The following TEX15 variants were observed in gnomAD, a reference collection of about 807,000 sequenced individuals.
TEX15 encodes the protein testis expressed 15, meiosis and synapsis associated.
Under a neutral mutation model 237.3 loss-of-function variants are expected in TEX15, and 171 were observed. The ratio of observed to expected loss-of-function variants is 0.72; its 90% CI spans 0.64 to 0.82. The LOEUF is 0.82. Among genes scored for constraint, TEX15 ranks in the 40% least tolerant of loss-of-function variants. The pLI, the probability that TEX15 is intolerant of heterozygous loss-of-function variation, is 0.00. For missense variants in TEX15, 3,750 were observed against 3,646.5 expected (o/e 1.03, Z -0.73); for synonymous variants, 1,338 against 1,269.8 (o/e 1.05, Z -1.14).
rs759312788 is a variant in TEX15, at chr8:30,848,646, T to C, written c.1521A>G (p.Gln507=). ...CAGAGCCCATGTTGTGAGCCCAAGA[T>C]TGTGAATCATTAACAGAAGTTTTAA... is the stretch of plus-strand genomic sequence containing the variant. ...PCFKTSVNDS[Q]SWAHNMGSED... is the part of the protein sequence containing the mutation. Residue 507 remains glutamine (Q), a synonymous_variant, in exon 8 of 11, where the codon CAA becomes CAG. Transcript: ENST00000643185. 6 of 1,614,052 alleles carry C rather than the reference T, an allele frequency of 3.7e-6. No homozygotes were observed. In the African/African-American group the frequency reaches 6.7e-5, roughly 18 times the overall value.
chr8:30,867,308 G>A lies in TEX15; in HGVS notation c.497C>T (p.Ser166Phe), dbSNP rs11988578. ...FRHVDIALNY[S>F]HSQSITVESI... Reference sequence around the variant, plus strand: ...TTCTACAGTAATGCTTTGACTATGAGAATAATTCAAGGCAATATCAACATG... The same window carrying A: ...TTCTACAGTAATGCTTTGACTATGAAAATAATTCAAGGCAATATCAACATG... The change falls in exon 5 of 11, where the codon TCT becomes TTT. Residue 166 changes from serine to phenylalanine, a missense_variant. Physicochemically the swap from Ser to Phe is radical, Grantham distance 155. Transcript: ENST00000643185. 6.6e-7 allele frequency: 1 copy of A among 1,519,254 alleles called. No homozygotes were observed. The highest frequency in any genetic ancestry group is 8.8e-7 in the Non-Finnish European group (1 of 1,131,956). 94.1% of individuals were successfully genotyped at this position (1,519,254 alleles called of 1,614,324 possible). A position where few individuals can be genotyped will look rare whatever the true frequency, so the allele number is the denominator to read the frequency against.
chr8:30,836,604 GAC>G (rs1364152741), intron 10 of TEX15, among the ~76,000 whole-genome samples, 197 bp downstream of exon 10: 3 of 152,112 alleles, frequency 2.0e-5, no homozygotes, highest in Non-Finnish European at 2.9e-5. Flanking sequence ...TAGTGATACT[GAC>G]AGTTTTTTTT....
chr8:30,889,694 C>T (rs1339334773), intron 2 of TEX15, among the ~76,000 whole-genome samples: 1 of 151,812 alleles, frequency 6.6e-6, no homozygotes, highest in Non-Finnish European at 1.5e-5. Context: ...CAGTTATTAC[C>T]TTTTAAGTAG....
chr8:30,901,080 A>C (rs1045234011), intron 1 of TEX15, among the ~76,000 whole-genome samples: 1 of 152,194 alleles, frequency 6.6e-6, no homozygotes, highest in East Asian at 1.9e-4. Flanking sequence ...CAAGGCTGCA[A>C]TGAGCTGTGT....
chr8:30,879,392 T>A (rs960075628), intron 3 of TEX15, among the ~76,000 whole-genome samples: 9 of 152,254 alleles, frequency 5.9e-5, no homozygotes, highest in Non-Finnish European at 1.3e-4. Flanking sequence ...TGTTTTCTTC[T>A]AGACGTTTTA....
chr8:30,846,131 G>A lies in TEX15; in HGVS notation c.4036C>T (p.Arg1346Ter), dbSNP rs62000447. 398 of 1,613,368 alleles carry A rather than the reference G, an allele frequency of 2.5e-4. No individual in the cohort carries two copies. The highest frequency in any genetic ancestry group is 2.8e-4 in the Non-Finnish European group (332 of 1,179,584). The change falls in exon 8 of 11, where the codon CGA (arginine) becomes TGA (stop). Residue 1346 changes from arginine to a stop codon, truncating the protein, a stop_gained. Transcript: ENST00000643185. LOFTEE classifies it high-confidence loss of function. The stretch of plus-strand genomic sequence containing the variant: ...TCTGACTGTGAAAATGTTTTAATTC[G>A]TCCTTGGGATAATGAAGAGAAACAC... ...SECFSSLSQG[R>*]IKTFSQSEKH...
intron 2 of TEX15, among the ~76,000 whole-genome samples, chr8:30,893,032 CAAAAA>C (rs60813874): frequency 2.5e-5 from 2 of 81,360 alleles, no homozygotes. Flanking sequence ...GACTCTGCCT[CAAAAA>C]AAAAAAAAAA....
rs75762919 is a variant in TEX15 at position 30,871,825 on chromosome 8, G to T, written c.302+3112C>A. Among the ~76,000 whole-genome samples the T allele has an allele frequency of 9.4e-3, 1,426 of 152,192 alleles. 23 individuals are homozygous for T. The highest frequency in any genetic ancestry group is 0.032 in the African/African-American group (1,325 of 41,540). ...AATGCCTTCATTTCCAATAGATCTG[G>T]ATATAGATCTAAATAACCAACGTTC... is the stretch of plus-strand genomic sequence containing the variant. On this transcript the variant is annotated intron_variant, in intron 4 of 10. Coordinates refer to ENST00000643185, the MANE Select transcript of TEX15 (RefSeq NM_001350162.2).
At chr8:30,835,186 C>T (rs1472282792) in intron 10 of TEX15, among the ~76,000 whole-genome samples, 1 of 150,780 alleles carries the variant, frequency 6.6e-6, no homozygotes, top group African/African-American at 2.5e-5. Flanking sequence ...CTCACTGCAA[C>T]CTCTGCCTCC....
Position 30,867,321 on chromosome 8 carries a change from C to A in TEX15, c.484G>T (p.Ala162Ser). ...CTTTGACTATGAGAATAATTCAAGG[C>A]AATATCAACATGTCTAAACATATAA... ...GIYMFRHVDI[A>S]LNYSHSQSIT... The change falls in exon 5 of 11, where the codon GCC becomes TCC. Residue 162 changes from alanine to serine, a missense_variant. Ala to Ser is a moderately conservative substitution (Grantham distance 99). Transcript: ENST00000643185. The A allele has an allele frequency of 6.6e-7, 1 of 1,524,856 alleles. No homozygotes were observed. The highest frequency in any genetic ancestry group is 8.8e-7 in the Non-Finnish European group (1 of 1,137,014). 94.5% of individuals were successfully genotyped at this position (1,524,856 alleles called of 1,614,324 possible). A position where few individuals can be genotyped will look rare whatever the true frequency, so the allele number is the denominator to read the frequency against.
At position 30,842,616 on chromosome 8, in the gene TEX15, T is replaced by C; in HGVS notation, c.7551A>G (p.Glu2517=). The change falls in exon 8 of 11, where the codon GAA becomes GAG. Residue 2517 remains glutamate (E), a synonymous_variant. Coordinates refer to ENST00000643185, the MANE Select transcript of TEX15 (RefSeq NM_001350162.2). ...AGATAATATCCAGATCTTTCTTAAGTTCGGAAACAGCAGTCTCTATCACTT... is the reference window on the plus strand; with the variant it reads ...AGATAATATCCAGATCTTTCTTAAGCTCGGAAACAGCAGTCTCTATCACTT... ...LWKVIETAVS[E]LKKDLDIICK... is the part of the protein sequence containing the mutation. 1 of 1,611,434 alleles carries C rather than the reference T, an allele frequency of 6.2e-7. No individual in the cohort carries two copies. The highest frequency in any genetic ancestry group is 8.5e-7 in the Non-Finnish European group (1 of 1,179,806).
In TEX15 at chr8:30,905,983, C is replaced by T. The variant is rs370676640; in HGVS notation, c.-86+6896G>A. Among the ~76,000 whole-genome samples the T allele has an allele frequency of 2.0e-5, 3 of 152,128 alleles. No individual in the cohort carries two copies. In the East Asian group the frequency reaches 5.8e-4, roughly 29 times the overall value. On this transcript the variant is annotated intron_variant, in intron 1 of 10. Transcript: ENST00000643185. ...CTGACTGCAACGCTAGACCCATTAC[C>T]TATACTTTTGTGCCTCAGTTTCTTC...
chr8:30,879,399 T>C (rs1326500361), intron 3 of TEX15, among the ~76,000 whole-genome samples: 5 of 152,364 alleles, frequency 3.3e-5, no homozygotes, highest in East Asian at 3.9e-4. Context: ...TTCTAGACGT[T>C]TTATAGCTTC....
chr8:30,837,711 G>C lies in TEX15; in HGVS notation c.8573C>G (p.Thr2858Arg). 1 of 1,614,032 alleles carries C rather than the reference G, an allele frequency of 6.2e-7. No individual in the cohort carries two copies. The highest frequency in any genetic ancestry group is 1.7e-5 in the Admixed American group (1 of 60,014). Residue 2858 changes from threonine to arginine, a missense_variant, in exon 10 of 11, where the codon ACG (threonine) becomes AGG (arginine). Transcript: ENST00000643185. ...VHGTFSPDHG[T>R]LLQKFLKNSP... Reference sequence around the variant, plus strand: ...ATTTTTAAGAAATTTCTGCAAAAGCGTCCCATGGTCTGGTGAAAATGTGCC... The same window carrying C: ...ATTTTTAAGAAATTTCTGCAAAAGCCTCCCATGGTCTGGTGAAAATGTGCC...
rs1449415527 is a variant in TEX15 at position 30,843,358 on chromosome 8, A to G, written c.6809T>C (p.Ile2270Thr). 1.9e-6 allele frequency: 3 copies of G among 1,610,630 alleles called. No individual in the cohort carries two copies. Among genetic ancestry groups the G allele is most frequent in the Non-Finnish European group, 2.5e-6 (3 of 1,178,018 alleles). Residue 2270 changes from isoleucine (I) to threonine (T), a missense_variant, in exon 8 of 11, where the codon ATC (isoleucine) becomes ACC (threonine). Ile to Thr is a moderately conservative substitution (Grantham distance 89). Transcript: ENST00000643185. The part of the protein sequence containing the change: ...VKISLYGLEH[I>T]FFDAAKNLVW... ...AAGATTTTTTGCAGCATCAAAAAAGATATGTTCCAGACCATAAAGAGATAT... is the reference window on the plus strand; with the variant it reads ...AAGATTTTTTGCAGCATCAAAAAAGGTATGTTCCAGACCATAAAGAGATAT...
Position 30,848,910 on chromosome 8 carries a change from ATTG to A in TEX15, c.1254_1256del (p.Asn419del). On this transcript the variant is annotated inframe_deletion, in exon 8 of 11. Coordinates refer to ENST00000643185, the MANE Select transcript of TEX15 (RefSeq NM_001350162.2). ...AAGTAGTGACTGTGCTTGAGCCAGT[ATTG>A]TTGTGAAGAGGAAAAGAAGCATTAA... 6.2e-7 allele frequency: 1 copy of A among 1,614,146 alleles called. No individual in the cohort carries two copies. The highest frequency in any genetic ancestry group is 8.5e-7 in the Non-Finnish European group (1 of 1,180,016).
intron 2 of TEX15, among the ~76,000 whole-genome samples, chr8:30,897,546 C>T (rs193244669): frequency 7.6e-4 from 115 of 152,252 alleles, no homozygotes; most frequent in African/African-American, 2.1e-3. Context: ...GTGAATTTCA[C>T]TTTAGAATCA....
Position 30,838,024 on chromosome 8 carries a change from C to A in TEX15, c.8260G>T (p.Val2754Leu), listed in dbSNP as rs573676386. The change falls in exon 10 of 11, where the codon GTA (valine) becomes TTA (leucine). Residue 2754 changes from valine to leucine, a missense_variant. Physicochemically the swap from Val to Leu is conservative, Grantham distance 32. Transcript: ENST00000643185. ...GSHPKSENKI[V>L]PSSCDSLKRN... ...TTCAGACTGTCACATGAACTTGGTA[C>A]TATTTTGTTTTCGCTTTTGGGATGA... 1 of 1,612,990 alleles carries A rather than the reference C, an allele frequency of 6.2e-7. No homozygotes were observed.
At chr8:30,851,633 A>C (rs1807786377) in intron 7 of TEX15, among the ~76,000 whole-genome samples, 1 of 151,920 alleles carries the variant, frequency 6.6e-6, no homozygotes, top group African/African-American at 2.4e-5. Context: ...CTCTGTCTCA[A>C]GGAAAAAGAA....
Sources: allele counts gnomAD v4.1 joint callset (sites outside exome capture counted in the v4.1 genomes callset), GRCh38; gene constraint gnomAD v4.1.1; transcripts MANE v1.5; gene names NCBI Gene and HGNC (gene_info 2026-07-23, HGNC 2026-07-21).